The following FHL2 variants were observed in gnomAD, a reference collection of about 807,000 sequenced individuals.
The protein encoded by FHL2 is four and a half LIM domains protein 2.
A neutral mutation model predicts 32.7 loss-of-function variants in FHL2; 20 were observed. The ratio of observed to expected loss-of-function variants is 0.61; its 90% CI spans 0.43 to 0.89. The LOEUF (loss-of-function observed/expected upper bound fraction) is 0.89, where lower values mean the gene tolerates loss of function less well. Among genes scored for constraint, FHL2 ranks in the 40% least tolerant of loss-of-function variants. The pLI, the probability that FHL2 is intolerant of heterozygous loss-of-function variation, is 0.00. For synonymous variants in FHL2, 123 were observed against 128.1 expected (o/e 0.96, Z 0.27); for missense variants, 311 against 358.6 (o/e 0.87, Z 1.07).
At chr2:105,407,763 G>A (rs2104651247) in intron 1 of FHL2, among the ~76,000 whole-genome samples, 1 of 152,238 alleles carries the variant, frequency 6.6e-6, no homozygotes, top group African/African-American at 2.4e-5. Flanking sequence ...TTCTTTGCTA[G>A]TGAGGGGCTT....
chr2:105,405,235 C>T (rs1472895961), intron 1 of FHL2, among the ~76,000 whole-genome samples: 1 of 152,028 alleles, frequency 6.6e-6, no homozygotes, highest in Non-Finnish European at 1.5e-5. Context: ...TCTTTTTTTC[C>T]TCTGTCAATG....
chr2:105,401,704 G>C (rs1683472250), upstream of FHL2, among the ~76,000 whole-genome samples: 1 of 152,160 alleles, frequency 6.6e-6, no homozygotes, highest in Non-Finnish European at 1.5e-5. Context: ...ATATGCGGCT[G>C]TTAAAATGAA....
At chr2:105,398,691 C>A in intron 1 of FHL2, 151 bp downstream of exon 1, 1 of 546,860 alleles carries the variant, frequency 1.8e-6, no homozygotes, top group Non-Finnish European at 3.0e-6. Flanking sequence ...CCCCTCTCCC[C>A]GTGGTCTCCC....
At chr2:105,419,665 T>A (rs1331453820) in intron 1 of FHL2, among the ~76,000 whole-genome samples, 2 of 152,232 alleles carry the variant, frequency 1.3e-5, no homozygotes, top group Non-Finnish European at 2.9e-5. Context: ...TTGCTTGTTT[T>A]GTTACTTCTC....
intron 6 of FHL2, 56 bp from the exon 7 acceptor site, chr2:105,361,490 G>A (rs2104478547): frequency 6.6e-7 from 1 of 1,503,932 alleles, no homozygotes; most frequent in Non-Finnish European, 9.2e-7. Context: ...AGGCAACTGG[G>A]ACTGAAGAAG....
chr2:105,386,124 G>A, intron 3 of FHL2: 1 of 473,846 alleles, frequency 2.1e-6, no homozygotes, highest in East Asian at 3.1e-5. Context: ...TACAGAAAAT[G>A]TACTTAGAGA....
chr2:105,384,356 C>G (rs1000138474), intron 3 of FHL2, among the ~76,000 whole-genome samples: 1 of 152,100 alleles, frequency 6.6e-6, no homozygotes, highest in Non-Finnish European at 1.5e-5. Context: ...GTGGAAGGGA[C>G]GTGTCACGAA....
chr2:105,369,546 G>A lies in FHL2; in HGVS notation c.332-1807C>T, dbSNP rs568005172. Among the ~76,000 whole-genome samples the A allele has an allele frequency of 6.6e-5, 10 of 152,270 alleles. No individual in the cohort carries two copies. The Middle Eastern group carries it at 0.01, about 155-fold the overall frequency. Reference sequence around the variant, plus strand: ...GGAATTTGGGATGGTGACACGCAGCGATCTTTTAATTCAAAACTAAGCTGT... The same window carrying A: ...GGAATTTGGGATGGTGACACGCAGCAATCTTTTAATTCAAAACTAAGCTGT... On this transcript the variant is annotated intron_variant, in intron 4 of 6. Coordinates refer to ENST00000530340, the MANE Select transcript of FHL2 (RefSeq NM_001318895.3).
At chr2:105,411,581 A>G (rs1473422438) in intron 1 of FHL2, among the ~76,000 whole-genome samples, 2 of 113,190 alleles carry the variant, frequency 1.8e-5, no homozygotes, top group Non-Finnish European at 3.3e-5. Context: ...AAAAGTTCTC[A>G]TGGTTCCCAG....
intron 1 of FHL2, among the ~76,000 whole-genome samples, chr2:105,424,209 G>C (rs1684189987): frequency 6.6e-6 from 1 of 152,144 alleles, no homozygotes; most frequent in South Asian, 2.1e-4. Flanking sequence ...ATCAAAAAGT[G>C]GGCAAAGGAT....
chr2:105,377,401 C>T (rs1375449729), intron 3 of FHL2, among the ~76,000 whole-genome samples: 1 of 152,134 alleles, frequency 6.6e-6, no homozygotes, highest in East Asian at 1.9e-4. Context: ...GAGGCCGAGG[C>T]AGGCGGATCA....
intron 1 of FHL2, among the ~76,000 whole-genome samples, chr2:105,436,586 A>T (rs1684619156): frequency 6.6e-6 from 1 of 152,090 alleles, no homozygotes; most frequent in Admixed American, 6.6e-5. Context: ...TTTGTTAATT[A>T]TTATTTACAG....
At chr2:105,378,291 CAT>C (rs751811204) in intron 3 of FHL2, 34 of 430,326 alleles carry the variant, frequency 7.9e-5, no homozygotes, top group East Asian at 2.8e-4. Flanking sequence ...ATATTATCCA[CAT>C]GTTACTGGAC....
intron 1 of FHL2, among the ~76,000 whole-genome samples, chr2:105,411,270 T>C (rs1217000438): frequency 6.6e-6 from 1 of 152,216 alleles, no homozygotes; most frequent in Non-Finnish European, 1.5e-5. Flanking sequence ...TTTCCTAGTA[T>C]TATCTTTGAG....
intron 1 of FHL2, among the ~76,000 whole-genome samples, chr2:105,415,465 T>C (rs1157671635): frequency 6.6e-6 from 1 of 152,240 alleles, no homozygotes; most frequent in Admixed American, 6.5e-5. Flanking sequence ...GATTACCTGT[T>C]AATAACTAAA....
intron 1 of FHL2, among the ~76,000 whole-genome samples, chr2:105,416,926 C>T (rs1050176974): frequency 1.3e-5 from 2 of 152,200 alleles, no homozygotes; most frequent in African/African-American, 2.4e-5. Context: ...TCTAAGTATG[C>T]TTTGTCTGTC....
rs1454553336 is a variant in FHL2 at position 105,367,747 on chromosome 2, C to T, written c.332-8G>A. 5.6e-6 allele frequency: 9 copies of T among 1,612,242 alleles called. No individual in the cohort carries two copies. In the South Asian group the frequency reaches 9.9e-5, roughly 18 times the overall value. ...ACTCCATCTTGCGGGTACCTGTCAT[C>T]AGGGTCAAGAGGAACACAGCAGAGT... is the stretch of plus-strand genomic sequence containing the variant. On this transcript the variant is annotated splice_polypyrimidine_tract_variant and splice_region_variant and intron_variant, in intron 4 of 6. Coordinates refer to ENST00000530340, the MANE Select transcript of FHL2 (RefSeq NM_001318895.3).
At position 105,419,999 on chromosome 2, in the gene FHL2, G is replaced by C. The variant is rs1436291811; in HGVS notation, c.-25+18400C>G. 2.0e-5 allele frequency among the ~76,000 whole-genome samples: 3 copies of C among 152,170 alleles called. No individual in the cohort carries two copies. The East Asian group carries it at 5.8e-4, about 29-fold the overall frequency. The stretch of plus-strand genomic sequence containing the variant: ...GGGGATGCATTGGCCAAGGTCTCAA[G>C]AGGAGAAGTGACTGCTTGGATTCAG... On this transcript the variant is annotated intron_variant, in intron 1 of 5. Coordinates refer to the FHL2 transcript ENST00000393352.
intron 1 of FHL2, among the ~76,000 whole-genome samples, chr2:105,424,577 CAT>C (rs1332806933): frequency 6.6e-6 from 1 of 152,190 alleles, no homozygotes; most frequent in Non-Finnish European, 1.5e-5. Flanking sequence ...TACATGCACA[CAT>C]ATGTTTATTG....
Sources: gnomAD v4.1 joint callset for allele counts (sites outside exome capture counted in the v4.1 genomes callset) on GRCh38, gnomAD v4.1.1 for gene constraint, MANE v1.5 for transcripts, NCBI Gene and HGNC (gene_info 2026-07-23, HGNC 2026-07-21) for gene names.